The following RORA variants were observed in gnomAD, a reference collection of about 807,000 sequenced individuals.
RORA encodes the protein nuclear receptor ROR-alpha.
In RORA, 7 loss-of-function variants were observed where a neutral mutation model predicts 69.5. That is an observed-to-expected ratio of 0.10 (90% CI 0.06 to 0.19). The LOEUF (loss-of-function observed/expected upper bound fraction) is 0.19, where lower values mean the gene tolerates loss of function less well. RORA is among the 10% of genes least tolerant of loss of function. RORA has a pLI of 1.00. For synonymous variants in RORA, 261 were observed against 240.8 expected, an observed-to-expected ratio of 1.08 and a Z score of -0.78; for missense variants, 457 against 663.0, an observed-to-expected ratio of 0.69 and a Z score of 3.41.
At chr15:61,078,225 G>A (rs1447338717) in intron 1 of RORA, among the ~76,000 whole-genome samples, 1 of 152,158 alleles carries the variant, frequency 6.6e-6, no homozygotes, top group East Asian at 1.9e-4. Context: ...GTGCAGTGGT[G>A]CAATCTCGGT....
chr15:61,100,507 C>T (rs1265335844), intron 1 of RORA, among the ~76,000 whole-genome samples: 2 of 152,168 alleles, frequency 1.3e-5, no homozygotes, highest in Non-Finnish European at 2.9e-5. Context: ...AGAAGCAGAA[C>T]AGTGTGCCCT....
chr15:60,730,402 T>A (rs977793819), intron 1 of RORA, among the ~76,000 whole-genome samples: 3 of 152,232 alleles, frequency 2.0e-5, no homozygotes, highest in Non-Finnish European at 2.9e-5. Flanking sequence ...TTTGTGGTTG[T>A]CTTATCGTTC....
At chr15:60,834,970 A>T (rs2073097403) in intron 1 of RORA, among the ~76,000 whole-genome samples, 2 of 152,142 alleles carry the variant, frequency 1.3e-5, no homozygotes, top group African/African-American at 4.8e-5. Context: ...GGCATCACTG[A>T]ATTATAAATG....
intron 2 of RORA, among the ~76,000 whole-genome samples, chr15:60,630,119 G>GGAAA (rs2069700077): frequency 2.0e-5 from 3 of 152,274 alleles, no homozygotes; most frequent in Admixed American, 6.5e-5. Context: ...GGCTCAGAAT[G>GGAAA]GAAAGAACCC....
chr15:60,763,064 GATTTTT>G (rs1488530432), intron 1 of RORA, among the ~76,000 whole-genome samples: 2 of 40,216 alleles, frequency 5.0e-5, no homozygotes, highest in African/African-American at 2.2e-4. Context: ...AATATGCACA[GATTTTT>G]TTTTTTTTTT....
chr15:60,589,433 A>G (rs1157076621), intron 2 of RORA, among the ~76,000 whole-genome samples: 2 of 152,218 alleles, frequency 1.3e-5, no homozygotes. Flanking sequence ...GCAAAGGGGT[A>G]TATCATCTAC....
At chr15:60,661,717 C>T (rs566142940) in intron 2 of RORA, among the ~76,000 whole-genome samples, 1 of 152,298 alleles carries the variant, frequency 6.6e-6, no homozygotes, top group South Asian at 2.1e-4. Flanking sequence ...AGATTTAATT[C>T]CATTTAGATA....
intron 1 of RORA, among the ~76,000 whole-genome samples, chr15:61,104,171 G>A (rs78573683): frequency 0.089 from 13,546 of 152,118 alleles, 682 homozygotes; most frequent in East Asian, 0.16. Context: ...TTCCTCTCAC[G>A]GTCAGCTATG....
At chr15:60,774,178 C>T (rs1045839173) in intron 1 of RORA, among the ~76,000 whole-genome samples, 6 of 152,192 alleles carry the variant, frequency 3.9e-5, no homozygotes, top group Non-Finnish European at 8.8e-5. Context: ...AGGGCAGTTC[C>T]CTGCTTTCTA....
At chr15:60,843,622 G>C (rs1021226411) in intron 1 of RORA, among the ~76,000 whole-genome samples, 4 of 152,040 alleles carry the variant, frequency 2.6e-5, no homozygotes, top group Non-Finnish European at 5.9e-5. Context: ...TGTCAGGAGG[G>C]GTCAAGGACG....
intron 2 of RORA, among the ~76,000 whole-genome samples, chr15:60,538,865 T>TA (rs925856272): frequency 6.6e-6 from 1 of 151,716 alleles, no homozygotes; most frequent in Non-Finnish European, 1.5e-5. Context: ...TTATAGCCAT[T>TA]AAAAAAAATG....
At chr15:61,187,961 C>T (rs1012792913) in intron 1 of RORA, among the ~76,000 whole-genome samples, 4 of 152,168 alleles carry the variant, frequency 2.6e-5, no homozygotes, top group Non-Finnish European at 2.9e-5. Flanking sequence ...TCCCCTAACA[C>T]ACCCCTGAAC....
At chr15:60,890,346 C>T (rs1445522702) in intron 1 of RORA, among the ~76,000 whole-genome samples, 2 of 152,202 alleles carry the variant, frequency 1.3e-5, no homozygotes, top group African/African-American at 4.8e-5. Context: ...ACAGACCACA[C>T]CAACTCCCCT....
At chr15:60,937,186 T>C (rs943020358) in intron 1 of RORA, among the ~76,000 whole-genome samples, 2 of 152,168 alleles carry the variant, frequency 1.3e-5, no homozygotes, top group African/African-American at 4.8e-5. Flanking sequence ...CCCAAAAGTC[T>C]GACACCAAAA....
intron 1 of RORA, among the ~76,000 whole-genome samples, chr15:61,008,213 G>C (rs1028086395): frequency 2.7e-4 from 40 of 150,766 alleles, no homozygotes; most frequent in African/African-American, 5.8e-4. Context: ...CTGTGTGTGT[G>C]TGTGTGTGTG....
At chr15:60,858,692 TACACACACACACACAC>T (rs3053884) in intron 1 of RORA, among the ~76,000 whole-genome samples, 1 of 142,816 alleles carries the variant, frequency 7.0e-6, no homozygotes, top group Non-Finnish European at 1.5e-5. Context: ...AGAAAGAAAA[TACACACACACACACAC>T]ACACACACAC....
intron 1 of RORA, among the ~76,000 whole-genome samples, chr15:61,024,829 C>T (rs972671843): frequency 1.3e-5 from 2 of 151,560 alleles, no homozygotes; most frequent in Non-Finnish European, 2.9e-5. Flanking sequence ...TGAGCTCAAG[C>T]AATCTGCCTG....
chr15:61,013,933 GCCA>G (rs1895185796), intron 1 of RORA, among the ~76,000 whole-genome samples: 1 of 151,792 alleles, frequency 6.6e-6, no homozygotes, highest in African/African-American at 2.4e-5. Flanking sequence ...ACAGGCGCCC[GCCA>G]CCACGCCAGG....
At chr15:60,922,733 A>G (rs999248053) in intron 1 of RORA, among the ~76,000 whole-genome samples, 2 of 152,242 alleles carry the variant, frequency 1.3e-5, no homozygotes, top group Non-Finnish European at 2.9e-5. Context: ...TGAGGAGAGA[A>G]AAAAGGGTAT....
Sources: gnomAD v4.1 joint callset for allele counts (sites outside exome capture counted in the v4.1 genomes callset) on GRCh38, gnomAD v4.1.1 for gene constraint, MANE v1.5 for transcripts, NCBI Gene and HGNC (gene_info 2026-07-23, HGNC 2026-07-21) for gene names.